The following ARPP21 variants were observed in gnomAD, a reference collection of about 807,000 sequenced individuals.
ARPP21 encodes cAMP regulated phosphoprotein 21, also known as cAMP-regulated phosphoprotein 21.
ARPP21 carries 69 observed loss-of-function variants against 113.2 expected under a neutral mutation model. The observed-to-expected ratio is 0.61, with a 90% CI of 0.50 to 0.74. The LOEUF (loss-of-function observed/expected upper bound fraction) is 0.74, where lower values mean the gene tolerates loss of function less well. Among genes scored for constraint, ARPP21 ranks in the 30% least tolerant of loss-of-function variants. The probability of loss-of-function intolerance (pLI) is 0.00; values close to 1 mark genes in which losing one functional copy is unlikely to be tolerated. For synonymous variants in ARPP21, 368 were observed against 375.5 expected (o/e 0.98, Z 0.23); for missense variants, 1,070 against 1,037.4 (o/e 1.03, Z -0.43).
In ARPP21 at chr3:35,667,078, A is replaced by G. The variant is rs560834399; in HGVS notation, c.-212-12709A>G. On this transcript the variant is annotated intron_variant, in intron 1 of 20. Coordinates refer to ENST00000684406, the MANE Select transcript of ARPP21 (RefSeq NM_001385562.1). ...CCTCACCCCTAGAGTGAAATATTTG[A>G]TATGCTTAATGTATCTATGACTCAG... 4.3e-4 allele frequency among the ~76,000 whole-genome samples: 65 copies of G among 152,280 alleles called. No individual in the cohort carries two copies. In the Middle Eastern group the frequency reaches 0.01, roughly 24 times the overall value.
intron 18 of ARPP21, among the ~76,000 whole-genome samples, chr3:35,742,171 A>T (rs1559815383): frequency 6.6e-6 from 1 of 152,248 alleles, no homozygotes; most frequent in Non-Finnish European, 1.5e-5. Context: ...AGGGAGATCA[A>T]GGAATAGATA....
intron 19 of ARPP21, among the ~76,000 whole-genome samples, chr3:35,761,738 G>A (rs1245110897): frequency 1.3e-5 from 2 of 152,118 alleles, no homozygotes; most frequent in Non-Finnish European, 2.9e-5. Flanking sequence ...AGAAGGATTA[G>A]CACCTCAGTC....
At chr3:35,703,143 G>C (rs1288213071) in intron 9 of ARPP21, among the ~76,000 whole-genome samples, 2 of 151,814 alleles carry the variant, frequency 1.3e-5, no homozygotes, top group Non-Finnish European at 2.9e-5. Context: ...GAAGGATTAA[G>C]GTTAACTATT....
chr3:35,744,837 T>C (rs756753912), intron 19 of ARPP21, among the ~76,000 whole-genome samples: 1 of 152,240 alleles, frequency 6.6e-6, no homozygotes, highest in African/African-American at 2.4e-5. Context: ...CAGATACATG[T>C]ATGTAATATA....
intron 19 of ARPP21, among the ~76,000 whole-genome samples, chr3:35,767,470 C>T (rs535729218): frequency 6.6e-6 from 1 of 152,072 alleles, no homozygotes; most frequent in East Asian, 1.9e-4. Flanking sequence ...ATTAATTTGC[C>T]ATCAGTTCTT....
intron 9 of ARPP21, among the ~76,000 whole-genome samples, chr3:35,693,222 C>T (rs980265753): frequency 6.6e-6 from 1 of 151,610 alleles, no homozygotes; most frequent in African/African-American, 2.4e-5. Flanking sequence ...TTTAGACACC[C>T]TTTCGTGAGT....
At chr3:35,766,405 AAGG>A (rs966303812) in intron 19 of ARPP21, among the ~76,000 whole-genome samples, 18 of 152,196 alleles carry the variant, frequency 1.2e-4, no homozygotes, top group African/African-American at 4.3e-4. Context: ...AAAGAAGAAG[AAGG>A]AGAAGAAGCA....
chr3:35,748,023 G>A (rs189803219), intron 19 of ARPP21, among the ~76,000 whole-genome samples: 1 of 138,560 alleles, frequency 7.2e-6, no homozygotes, highest in East Asian at 2.2e-4. Context: ...AAGAAAGAAA[G>A]ACAGAAAGAG....
At chr3:35,658,148 C>T (rs1206657896) in intron 1 of ARPP21, among the ~76,000 whole-genome samples, 1 of 152,010 alleles carries the variant, frequency 6.6e-6, no homozygotes, top group Non-Finnish European at 1.5e-5. Flanking sequence ...CTTGCATTCC[C>T]TTCTTGGTGA....
chr3:35,694,488 A>G (rs1374874878), intron 9 of ARPP21, among the ~76,000 whole-genome samples: 1 of 151,494 alleles, frequency 6.6e-6, no homozygotes, highest in Non-Finnish European at 1.5e-5. Context: ...AAAAAACCTT[A>G]CCATATAAAT....
chr3:35,769,919 C>A (rs928564406), intron 19 of ARPP21, among the ~76,000 whole-genome samples: 1 of 152,148 alleles, frequency 6.6e-6, no homozygotes, highest in African/African-American at 2.4e-5. Flanking sequence ...TTATTGCTAA[C>A]TACCAAAATA....
At chr3:35,738,864 G>A (rs2094506557) in intron 17 of ARPP21, among the ~76,000 whole-genome samples, 9 of 152,190 alleles carry the variant, frequency 5.9e-5, no homozygotes. Flanking sequence ...GCCTGTTGGT[G>A]ATACTGGTCC....
At chr3:35,695,609 T>C (rs987450855) in intron 9 of ARPP21, among the ~76,000 whole-genome samples, 2 of 151,516 alleles carry the variant, frequency 1.3e-5, no homozygotes, top group Non-Finnish European at 3.0e-5. Flanking sequence ...AGAATGTATG[T>C]AACAGATTCA....
chr3:35,748,427 AAGAAAG>A (rs1474247681), intron 19 of ARPP21, among the ~76,000 whole-genome samples: 2 of 150,498 alleles, frequency 1.3e-5, no homozygotes, highest in African/African-American at 4.9e-5. Flanking sequence ...AGAAAAGAGA[AAGAAAG>A]AGAAAGAAAG....
intron 1 of ARPP21, among the ~76,000 whole-genome samples, chr3:35,660,930 A>G (rs1229161732): frequency 1.3e-5 from 2 of 152,210 alleles, no homozygotes; most frequent in Non-Finnish European, 2.9e-5. Context: ...TGAAAAACAA[A>G]GAAAATATGT....
chr3:35,786,490 T>C (rs182913937), intron 19 of ARPP21, among the ~76,000 whole-genome samples: 199 of 149,394 alleles, frequency 1.3e-3, no homozygotes, highest in African/African-American at 4.7e-3. Flanking sequence ...ATTGCACCAC[T>C]GCACTCCAGC....
intron 11 of ARPP21, among the ~76,000 whole-genome samples, chr3:35,711,202 T>G (rs1399606545): frequency 6.6e-6 from 1 of 152,154 alleles, no homozygotes; most frequent in African/African-American, 2.4e-5. Context: ...CTTTTTAACT[T>G]GATATCCTAG....
At chr3:35,663,418 C>T (rs1391825949) in intron 1 of ARPP21, among the ~76,000 whole-genome samples, 3 of 152,138 alleles carry the variant, frequency 2.0e-5, no homozygotes, top group South Asian at 2.1e-4. Context: ...ATGATTTAAT[C>T]CCCAGACAAA....
At chr3:35,690,048 T>C in intron 7 of ARPP21, 33 bp from the exon 8 acceptor site, 1 of 929,862 alleles carries the variant, frequency 1.1e-6, no homozygotes, top group South Asian at 1.3e-5. Flanking sequence ...GGAACATACA[T>C]AAAACCTTTT....
Sources: allele counts gnomAD v4.1 joint callset (sites outside exome capture counted in the v4.1 genomes callset), GRCh38; gene constraint gnomAD v4.1.1; transcripts MANE v1.5; gene names NCBI Gene and HGNC (gene_info 2026-07-23, HGNC 2026-07-21).